Variants in NAMPT observed in about 807,000 individuals in gnomAD.
NAMPT encodes the protein NAmPRTase.
In NAMPT, 7 loss-of-function variants were observed where a neutral mutation model predicts 58.7. The observed-to-expected ratio is 0.12, with a 90% CI of 0.07 to 0.22. The LOEUF (loss-of-function observed/expected upper bound fraction) is 0.22, where lower values mean the gene tolerates loss of function less well. NAMPT is among the 10% of genes least tolerant of loss of function. The probability of loss-of-function intolerance (pLI) is 1.00; values close to 1 mark genes in which losing one functional copy is unlikely to be tolerated. For missense variants in NAMPT, 271 were observed against 567.9 expected, an observed-to-expected ratio of 0.48 and a Z score of 5.31; for synonymous variants, 145 against 198.1, an observed-to-expected ratio of 0.73 and a Z score of 2.25.
chr7:106,270,315 G>A (rs1185656473), intron 4 of NAMPT: 2 of 417,724 alleles, frequency 4.8e-6, no homozygotes, highest in East Asian at 8.1e-5. Context: ...GAGCTGCTAA[G>A]ATGATGCAAT....
At chr7:106,285,153 G>A, upstream of NAMPT, 26 of 1,266,204 alleles carry the variant, frequency 2.1e-5, no homozygotes, top group Admixed American at 3.8e-5. Flanking sequence ...CCTTCACCCC[G>A]TCACCCTCCG....
At chr7:106,264,180 T>A (rs987013089) in intron 6 of NAMPT, among the ~76,000 whole-genome samples, 1 of 152,112 alleles carries the variant, frequency 6.6e-6, no homozygotes, top group African/African-American at 2.4e-5. Context: ...TATTTTCAAG[T>A]GGCTAGTAAT....
intron 4 of NAMPT, chr7:106,270,281 G>A: frequency 2.4e-6 from 1 of 412,282 alleles, no homozygotes; most frequent in Non-Finnish European, 5.1e-6. Context: ...GTTATTTGAA[G>A]CAGCTTCAAA....
chr7:106,256,923 C>T (rs546307867), intron 8 of NAMPT, among the ~76,000 whole-genome samples: 2 of 152,296 alleles, frequency 1.3e-5, no homozygotes, highest in South Asian at 2.1e-4. Context: ...CGCCTGTAAT[C>T]CCAGCACTTT....
chr7:106,268,445 A>C lies in NAMPT; in HGVS notation c.743+19T>G. On this transcript the variant is annotated intron_variant, in intron 6 of 10. Coordinates refer to ENST00000222553, the MANE Select transcript of NAMPT (RefSeq NM_005746.3). ...AGTGAAAAAATTAGTAGTTTTAAAA[A>C]ATGAACAGAATTTTTTACCTGTGTT... The C allele has an allele frequency of 6.3e-7, 1 of 1,589,722 alleles. No homozygotes were observed.
At chr7:106,257,462 A>AT (rs1379625923) in intron 8 of NAMPT, among the ~76,000 whole-genome samples, 1 of 93,448 alleles carries the variant, frequency 1.1e-5, no homozygotes, top group Non-Finnish European at 2.3e-5. Flanking sequence ...TCTACAAAAC[A>AT]TTAAAAAAAA....
Position 106,272,585 on chromosome 7 carries a change from A to G in NAMPT, c.392T>C (p.Leu131Pro). Residue 131 changes from leucine (L) to proline (P), a missense_variant, in exon 4 of 11, where the codon CTC (leucine) becomes CCC (proline). By Grantham distance (98) the Leu-to-Pro change is moderately conservative (BLOSUM62 -3). Coordinates refer to ENST00000222553, the MANE Select transcript of NAMPT (RefSeq NM_005746.3). Reference sequence around the variant, plus strand: ...TGGATCTGTGTTTTCCACCGTGAAGAGAACATTTCCTCTGGGAATGACAAA... The same window carrying G: ...TGGATCTGTGTTTTCCACCGTGAAGGGAACATTTCCTCTGGGAATGACAAA... ...EGFVIPRGNV[L>P]FTVENTDPEC... The G allele has an allele frequency of 6.2e-7, 1 of 1,613,498 alleles. No individual in the cohort carries two copies. Among genetic ancestry groups the G allele is most frequent in the Non-Finnish European group, 8.5e-7 (1 of 1,179,562 alleles).
chr7:106,259,878 C>CTTTTTT (rs78910620), intron 8 of NAMPT, among the ~76,000 whole-genome samples: 2 of 132,832 alleles, frequency 1.5e-5, no homozygotes, highest in African/African-American at 5.7e-5. Context: ...TCGAAACAAT[C>CTTTTTT]TTTTTTTTTT....
intron 6 of NAMPT, among the ~76,000 whole-genome samples, chr7:106,267,643 C>T (rs2115776534): frequency 6.6e-6 from 1 of 151,382 alleles, no homozygotes; most frequent in Non-Finnish European, 1.5e-5. Context: ...AGATCGAGAC[C>T]ATCCTGACTA....
At chr7:106,261,416 T>C in intron 8 of NAMPT, 172 bp downstream of exon 8, 2 of 519,088 alleles carry the variant, frequency 3.9e-6, no homozygotes. Context: ...GGCTGGCACC[T>C]CTGTATTTTA....
chr7:106,277,780 C>G (rs1324664788), intron 1 of NAMPT, among the ~76,000 whole-genome samples: 1 of 152,166 alleles, frequency 6.6e-6, no homozygotes, highest in East Asian at 1.9e-4. Context: ...AAAATAAATT[C>G]TTAAACATCA....
chr7:106,274,458 A>G (rs1792595348), intron 3 of NAMPT, among the ~76,000 whole-genome samples: 1 of 152,014 alleles, frequency 6.6e-6, no homozygotes, highest in Non-Finnish European at 1.5e-5. Flanking sequence ...AAAAGGATAT[A>G]TTGGCTATAA....
rs73422751 is a variant in NAMPT, at chr7:106,283,364, T to C, written c.57+1464A>G. 7.6e-3 allele frequency among the ~76,000 whole-genome samples: 1,163 copies of C among 152,260 alleles called. 12 individuals carry two copies. Among genetic ancestry groups the C allele is most frequent in the African/African-American group, 0.026 (1,085 of 41,546 alleles). ...CCTTATGTATAATGGTTAGAGGAAC[T>C]GCAAACTAAAGGAAGTTGCATTCTT... On this transcript the variant is annotated intron_variant, in intron 1 of 10. Transcript: ENST00000222553.
intron 9 of NAMPT, 157 bp from the exon 10 acceptor site, chr7:106,253,308 A>G: frequency 1.4e-6 from 1 of 693,676 alleles, no homozygotes; most frequent in Non-Finnish European, 2.4e-6. Context: ...TCAGAAACAT[A>G]ACACTTTAGC....
At chr7:106,285,087 G>A, upstream of NAMPT, 4 of 1,353,162 alleles carry the variant, frequency 3.0e-6, no homozygotes, top group Non-Finnish European at 2.9e-6. Flanking sequence ...CGGCTGCGGC[G>A]GCTCGCGTGC....
At chr7:106,256,411 T>C (rs900346854) in intron 8 of NAMPT, among the ~76,000 whole-genome samples, 7 of 152,204 alleles carry the variant, frequency 4.6e-5, no homozygotes, top group African/African-American at 1.4e-4. Context: ...AAGAAAACAA[T>C]TGTTGCAAAT....
intron 5 of NAMPT, 107 bp downstream of exon 5, chr7:106,269,047 G>C: frequency 9.3e-7 from 1 of 1,078,750 alleles, no homozygotes; most frequent in Non-Finnish European, 1.3e-6. Flanking sequence ...TTGAATCTTT[G>C]GAATTTTAGA....
chr7:106,261,501 T>C (rs375707116), intron 8 of NAMPT, 87 bp downstream of exon 8: 60 of 1,085,314 alleles, frequency 5.5e-5, no homozygotes, highest in East Asian at 2.9e-4. Flanking sequence ...AGACTTAAAA[T>C]TGTATTTATA....
At chr7:106,274,901 T>G in intron 3 of NAMPT, 45 bp downstream of exon 3, 14 of 1,307,916 alleles carry the variant, frequency 1.1e-5, no homozygotes, top group Non-Finnish European at 1.5e-5. Flanking sequence ...AGTTTTGAAC[T>G]GAAAGAAAAA....
Sources: gnomAD v4.1 joint callset for allele counts (sites outside exome capture counted in the v4.1 genomes callset) on GRCh38, gnomAD v4.1.1 for gene constraint, MANE v1.5 for transcripts, NCBI Gene and HGNC (gene_info 2026-07-23, HGNC 2026-07-21) for gene names.